SCHIP1: variants seen among roughly 807,000 people sequenced by gnomAD.
The protein encoded by SCHIP1 is schwannomin-interacting protein 1.
SCHIP1 carries 8 observed loss-of-function variants against 29.7 expected under a neutral mutation model. That is an observed-to-expected ratio of 0.27 (90% CI 0.16 to 0.49). SCHIP1 has a LOEUF of 0.49. SCHIP1 is among the 20% of genes least tolerant of loss of function. The pLI is 0.99. For synonymous variants in SCHIP1, 76 were observed against 94.9 expected (o/e 0.80, Z 1.16); for missense variants, 193 against 294.6 (o/e 0.66, Z 2.52).
chr3:159,439,139 C>T, the SCHIP1 span, among the ~76,000 whole-genome samples: 5 of 152,144 alleles, frequency 3.3e-5, no homozygotes, highest in Admixed American at 6.6e-5. Context: ...TCTGCACAAC[C>T]TCACCAATAT....
the SCHIP1 span, among the ~76,000 whole-genome samples, chr3:159,275,518 T>C: frequency 6.6e-6 from 1 of 152,186 alleles, no homozygotes; most frequent in Non-Finnish European, 1.5e-5. Flanking sequence ...TTATTTGATC[T>C]TTGTCTCTGT....
the SCHIP1 span, among the ~76,000 whole-genome samples, chr3:159,795,300 T>G: frequency 6.2e-4 from 95 of 152,332 alleles, no homozygotes; most frequent in African/African-American, 2.2e-3. Flanking sequence ...TGGTTAAGAA[T>G]GTGGGCATGA....
At chr3:159,298,269 G>C in the SCHIP1 span, among the ~76,000 whole-genome samples, 1 of 152,092 alleles carries the variant, frequency 6.6e-6, no homozygotes, top group Non-Finnish European at 1.5e-5. Flanking sequence ...GAAGATTCCT[G>C]CCTTTGCTCA....
At chr3:159,809,137 C>T in the SCHIP1 span, among the ~76,000 whole-genome samples, 3 of 144,290 alleles carry the variant, frequency 2.1e-5, no homozygotes, top group Non-Finnish European at 4.6e-5. Flanking sequence ...CCTCCCCCAG[C>T]CCCCAACCCC....
the SCHIP1 span, among the ~76,000 whole-genome samples, chr3:159,347,170 G>C: frequency 3.3e-5 from 5 of 152,166 alleles, no homozygotes; most frequent in African/African-American, 1.2e-4. Flanking sequence ...AGTACTGTAG[G>C]AAGTACACCA....
At chr3:159,344,408 C>T in the SCHIP1 span, among the ~76,000 whole-genome samples, 1 of 151,724 alleles carries the variant, frequency 6.6e-6, no homozygotes, top group East Asian at 1.9e-4. Flanking sequence ...GTGGAGAAAC[C>T]TGACAAACAC....
chr3:159,443,845 T>A, the SCHIP1 span, among the ~76,000 whole-genome samples: 2 of 152,196 alleles, frequency 1.3e-5, no homozygotes, highest in African/African-American at 4.8e-5. Flanking sequence ...TGCCTTTTTT[T>A]GGATTCTCTG....
chr3:159,286,293 T>TGGGG, the SCHIP1 span, among the ~76,000 whole-genome samples: 1 of 152,294 alleles, frequency 6.6e-6, no homozygotes, highest in East Asian at 1.9e-4. Flanking sequence ...TCTCATCATT[T>TGGGG]AGCTCCCACT....
chr3:159,444,517 T>TA, the SCHIP1 span, among the ~76,000 whole-genome samples: 1 of 152,158 alleles, frequency 6.6e-6, no homozygotes, highest in Non-Finnish European at 1.5e-5. Context: ...ACAAGTATCT[T>TA]AAAGAACTTG....
the SCHIP1 span, among the ~76,000 whole-genome samples, chr3:159,797,152 A>G: frequency 2.0e-5 from 3 of 152,208 alleles, no homozygotes; most frequent in South Asian, 2.1e-4. Context: ...AAAGCATACT[A>G]TTTATAAGTT....
At chr3:159,461,375 G>A in the SCHIP1 span, among the ~76,000 whole-genome samples, 2 of 151,928 alleles carry the variant, frequency 1.3e-5, no homozygotes, top group African/African-American at 2.4e-5. Context: ...TGTTGAGGAC[G>A]CTGCCATTCT....
At chr3:159,537,395 G>C in the SCHIP1 span, among the ~76,000 whole-genome samples, 4 of 152,180 alleles carry the variant, frequency 2.6e-5, no homozygotes, top group East Asian at 7.7e-4. Flanking sequence ...TCGCCCTCTC[G>C]ACTTCCCTTG....
At chr3:159,694,330 G>A in the SCHIP1 span, among the ~76,000 whole-genome samples, 5 of 151,886 alleles carry the variant, frequency 3.3e-5, no homozygotes, top group Non-Finnish European at 7.4e-5. Context: ...GACTAGCCTG[G>A]CCAACATGGT....
chr3:159,717,339 AAC>A, the SCHIP1 span, among the ~76,000 whole-genome samples: 1 of 152,234 alleles, frequency 6.6e-6, no homozygotes, highest in African/African-American at 2.4e-5. Context: ...AGCAAGAGCA[AAC>A]ACATTCAAAA....
the SCHIP1 span, among the ~76,000 whole-genome samples, chr3:159,830,317 A>T: frequency 6.6e-6 from 1 of 152,214 alleles, no homozygotes; most frequent in Non-Finnish European, 1.5e-5. Context: ...TTTTATCCTG[A>T]TAGAAACATT....
At chr3:159,559,701 A>G in the SCHIP1 span, among the ~76,000 whole-genome samples, 1 of 152,136 alleles carries the variant, frequency 6.6e-6, no homozygotes, top group Non-Finnish European at 1.5e-5. Context: ...CTCTAGCATT[A>G]TCATATTCCC....
At chr3:159,853,225 C>G (rs1176634241) in intron 1 of SCHIP1, 3 of 489,872 alleles carry the variant, frequency 6.1e-6, no homozygotes. Flanking sequence ...GTCTGTGGGA[C>G]AGAGTGGGGC....
the SCHIP1 span, among the ~76,000 whole-genome samples, chr3:159,711,036 A>T: frequency 1.3e-5 from 2 of 152,196 alleles, no homozygotes; most frequent in African/African-American, 4.8e-5. Context: ...GTGACATTAC[A>T]GTTTCCTCAA....
the SCHIP1 span, among the ~76,000 whole-genome samples, chr3:159,725,545 G>T: frequency 6.6e-6 from 1 of 152,124 alleles, no homozygotes; most frequent in African/African-American, 2.4e-5. Context: ...AATCACAGGC[G>T]TGAGCCACCA....
Sources: gnomAD v4.1 joint callset for allele counts (sites outside exome capture counted in the v4.1 genomes callset) on GRCh38, gnomAD v4.1.1 for gene constraint, MANE v1.5 for transcripts, NCBI Gene and HGNC (gene_info 2026-07-23, HGNC 2026-07-21) for gene names.